PRIMA1: variants seen among roughly 807,000 people sequenced by gnomAD.
PRIMA1 encodes the protein proline rich membrane anchor 1.
A neutral mutation model predicts 17.5 loss-of-function variants in PRIMA1; 7 were observed. The observed-to-expected ratio is 0.40, with a 90% CI of 0.23 to 0.75. The LOEUF is 0.75. Among genes scored for constraint, PRIMA1 ranks in the 30% least tolerant of loss-of-function variants. The pLI is 0.37. For synonymous variants in PRIMA1, 97 were observed against 77.9 expected (o/e 1.25, Z -1.29); for missense variants, 200 against 201.8 (o/e 0.99, Z 0.05).
intron 3 of PRIMA1, among the ~76,000 whole-genome samples, chr14:93,766,198 C>G (rs576327643): frequency 1.7e-4 from 26 of 152,278 alleles, no homozygotes; most frequent in African/African-American, 6.3e-4. Context: ...CATGGTTCAA[C>G]GAAATGAACA....
intron 3 of PRIMA1, among the ~76,000 whole-genome samples, chr14:93,760,910 T>G (rs574097614): frequency 6.6e-6 from 1 of 152,106 alleles, no homozygotes; most frequent in South Asian, 2.1e-4. Context: ...GCTTCTTGAC[T>G]GGTCTGTTGC....
chr14:93,737,681 G>A (rs2076159845), intron 3 of PRIMA1, among the ~76,000 whole-genome samples: 1 of 152,226 alleles, frequency 6.6e-6, no homozygotes, highest in South Asian at 2.1e-4. Flanking sequence ...TCCATCACCT[G>A]GCTGAAGGCT....
Position 93,763,390 on chromosome 14 carries a change from A to G in PRIMA1, c.229+15786T>C, listed in dbSNP as rs562562258. ...TGCTCATGCCATTGCCTACCCTGGG[A>G]GGCCAGCTCACCCTTCTGAGGCTGA... On this transcript the variant is annotated intron_variant, in intron 3 of 4. Transcript: ENST00000393140. Among the ~76,000 whole-genome samples the G allele has an allele frequency of 5.3e-5, 8 of 152,178 alleles. No individual in the cohort carries two copies. In the East Asian group the frequency reaches 1.2e-3, roughly 22 times the overall value.
intron 2 of PRIMA1, among the ~76,000 whole-genome samples, chr14:93,786,512 C>A (rs1372605786): frequency 6.6e-6 from 1 of 152,146 alleles, no homozygotes; most frequent in East Asian, 1.9e-4. Flanking sequence ...GGTAGACTGG[C>A]AAGTGGTCTT....
At chr14:93,762,302 A>G (rs948413840) in intron 3 of PRIMA1, among the ~76,000 whole-genome samples, 2 of 152,108 alleles carry the variant, frequency 1.3e-5, no homozygotes, top group Admixed American at 6.5e-5. Flanking sequence ...TTGCACCAGT[A>G]GCCAGTCATT....
rs1413770337 is a variant in PRIMA1 at position 93,726,220 on chromosome 14, C to G, written c.360-4674G>C. Among the ~76,000 whole-genome samples the G allele has an allele frequency of 6.6e-6, 1 of 152,172 alleles. No individual in the cohort carries two copies. Among genetic ancestry groups the G allele is most frequent in the Non-Finnish European group, 1.5e-5 (1 of 68,018 alleles). ...AGGGGCCCCTGCAGAAACTGTGCCT[C>G]CACCGGCATCTTTGGCCTGGGCAAG... On this transcript the variant is annotated intron_variant, in intron 4 of 4. Coordinates refer to ENST00000393140, the MANE Select transcript of PRIMA1 (RefSeq NM_178013.4). This position sits in a 1 kb window ranked among gnomAD's most constrained non-coding sequence, Gnocchi z 4.2.
At chr14:93,766,297 T>C (rs962834440) in intron 3 of PRIMA1, among the ~76,000 whole-genome samples, 2 of 152,094 alleles carry the variant, frequency 1.3e-5, no homozygotes, top group Non-Finnish European at 1.5e-5. Flanking sequence ...AGACCCAGAT[T>C]CCAAAGACCT....
At chr14:93,770,971 C>T (rs1885041988) in intron 3 of PRIMA1, among the ~76,000 whole-genome samples, 1 of 152,156 alleles carries the variant, frequency 6.6e-6, no homozygotes, top group African/African-American at 2.4e-5. Context: ...AACAAAGGAT[C>T]AAGCATTGGT....
In PRIMA1 at chr14:93,726,246, G is replaced by A. The variant is rs2076075342; in HGVS notation, c.360-4700C>T. Among the ~76,000 whole-genome samples, 1 of 152,178 alleles carries A rather than the reference G, an allele frequency of 6.6e-6. No individual in the cohort carries two copies. Among genetic ancestry groups the A allele is most frequent in the Non-Finnish European group, 1.5e-5 (1 of 68,016 alleles). ...CACCGGCATCTTTGGCCTGGGCAAG[G>A]AGGGCCAGGACCCAGGTACCCCTCT... On this transcript the variant is annotated intron_variant, in intron 4 of 4. Transcript: ENST00000393140. The surrounding 1 kb of genome is among the most constrained non-coding windows in gnomAD (Gnocchi z 4.2).
At chr14:93,751,456 G>A (rs1241674240) in intron 3 of PRIMA1, among the ~76,000 whole-genome samples, 1 of 152,170 alleles carries the variant, frequency 6.6e-6, no homozygotes, top group African/African-American at 2.4e-5. Flanking sequence ...AGGGTCTGAG[G>A]ACAGGTTCCA....
At chr14:93,733,287 G>A (rs1034412901) in intron 4 of PRIMA1, among the ~76,000 whole-genome samples, 15 of 151,692 alleles carry the variant, frequency 9.9e-5, no homozygotes, top group Non-Finnish European at 2.1e-4. Context: ...TCTACCCAGT[G>A]CACAGGTGGG....
chr14:93,779,455 G>A, intron 2 of PRIMA1, 144 bp from the exon 3 acceptor site: 1 of 685,130 alleles, frequency 1.5e-6, no homozygotes, highest in Non-Finnish European at 2.3e-6. Flanking sequence ...ATCAACAGAA[G>A]TCGGATTGGT....
chr14:93,736,856 A>G (rs1428090678), intron 4 of PRIMA1, among the ~76,000 whole-genome samples: 3 of 150,900 alleles, frequency 2.0e-5, no homozygotes, highest in Admixed American at 2.0e-4. Context: ...ATTGTTAACA[A>G]CTCCTATGAC....
intron 3 of PRIMA1, among the ~76,000 whole-genome samples, chr14:93,756,165 A>G (rs1566971440): frequency 6.6e-6 from 1 of 152,152 alleles, no homozygotes; most frequent in African/African-American, 2.4e-5. Flanking sequence ...TGGCCACCCA[A>G]AGCATTGAGA....
At chr14:93,741,167 G>A (rs538095682) in intron 3 of PRIMA1, among the ~76,000 whole-genome samples, 1 of 152,366 alleles carries the variant, frequency 6.6e-6, no homozygotes, top group Admixed American at 6.5e-5. Flanking sequence ...TGCTCAGAAA[G>A]CCAGCTGTTG....
intron 3 of PRIMA1, among the ~76,000 whole-genome samples, chr14:93,754,438 G>C (rs1044861983): frequency 6.6e-6 from 1 of 151,406 alleles, no homozygotes; most frequent in African/African-American, 2.4e-5. Flanking sequence ...GGCCATGGTG[G>C]GGGGGGCCTT....
rs1488832539 is a variant in PRIMA1, at chr14:93,726,831, ACACACATGTCCCTACACACATATG to A, written c.360-5309_360-5286del. On this transcript the variant is annotated intron_variant, in intron 4 of 4. Coordinates refer to ENST00000393140, the MANE Select transcript of PRIMA1 (RefSeq NM_178013.4). This position sits in a 1 kb window ranked among gnomAD's most constrained non-coding sequence, Gnocchi z 4.2. The stretch of plus-strand genomic sequence containing the variant: ...TTCAACACACACACAATATACACAT[ACACACATGTCCCTACACACATATG>A]CACACATACACATATGTGCACATGC... Among the ~76,000 whole-genome samples the A allele has an allele frequency of 2.0e-5, 3 of 150,112 alleles. No individual in the cohort carries two copies. Among genetic ancestry groups the A allele is most frequent in the Admixed American group, 6.6e-5 (1 of 15,146 alleles).
chr14:93,729,429 C>T (rs895375812), intron 4 of PRIMA1, among the ~76,000 whole-genome samples: 2 of 152,172 alleles, frequency 1.3e-5, no homozygotes, highest in African/African-American at 4.8e-5. Flanking sequence ...CCTACCTGGC[C>T]AAGAGGCTTT....
At chr14:93,761,669 T>G (rs915318849) in intron 3 of PRIMA1, among the ~76,000 whole-genome samples, 2 of 152,168 alleles carry the variant, frequency 1.3e-5, no homozygotes, top group African/African-American at 4.8e-5. Flanking sequence ...GCCCTCTCTG[T>G]AGTCTCTATT....
Sources: gnomAD v4.1 joint callset for allele counts (sites outside exome capture counted in the v4.1 genomes callset) on GRCh38, gnomAD v4.1.1 for gene constraint, Gnocchi (gnomAD v3.1) non-coding constraint, MANE v1.5 for transcripts, NCBI Gene and HGNC (gene_info 2026-07-23, HGNC 2026-07-21) for gene names.